Variants in KLHL7 observed in about 807,000 individuals in gnomAD.
KLHL7 encodes kelch-like protein 7.
In KLHL7, 44 loss-of-function variants were observed where a neutral mutation model predicts 67.4. The observed-to-expected ratio is 0.65, with a 90% CI of 0.51 to 0.84. The LOEUF (loss-of-function observed/expected upper bound fraction) is 0.84. KLHL7 is among the 40% of genes least tolerant of loss of function. The pLI is 0.00. For synonymous variants in KLHL7, 252 were observed against 243.3 expected, an observed-to-expected ratio of 1.04 and a Z score of -0.33; for missense variants, 362 against 718.1, an observed-to-expected ratio of 0.50 and a Z score of 5.67.
At chr7:23,165,321 G>A (rs1016804050) in intron 7 of KLHL7, among the ~76,000 whole-genome samples, 4 of 152,058 alleles carry the variant, frequency 2.6e-5, no homozygotes, top group Admixed American at 2.0e-4. Flanking sequence ...GGCAGGGAAG[G>A]GATGGAGACC....
intron 6 of KLHL7, among the ~76,000 whole-genome samples, chr7:23,145,183 C>T (rs1042461213): frequency 6.6e-6 from 1 of 151,388 alleles, no homozygotes. Flanking sequence ...CTTCTAGCTT[C>T]CAGTGTTATT....
chr7:23,139,258 CT>C (rs1170343202), intron 4 of KLHL7, among the ~76,000 whole-genome samples: 3 of 152,076 alleles, frequency 2.0e-5, no homozygotes, highest in African/African-American at 7.2e-5. Context: ...AATAATAATG[CT>C]TTGTGACCAG....
chr7:23,125,837 T>A (rs1172803212), intron 4 of KLHL7: 1 of 1,550,464 alleles, frequency 6.4e-7, no homozygotes. Flanking sequence ...TAGTGGCACA[T>A]GAATGAACGT....
At chr7:23,108,500 C>A (rs1410735553) in intron 1 of KLHL7, among the ~76,000 whole-genome samples, 1 of 152,168 alleles carries the variant, frequency 6.6e-6, no homozygotes, top group Non-Finnish European at 1.5e-5. Context: ...GCACATCCCA[C>A]CAACAAGACG....
chr7:23,129,374 C>G (rs1783709173), intron 4 of KLHL7: 1 of 383,288 alleles, frequency 2.6e-6, no homozygotes, highest in South Asian at 2.2e-5. Context: ...AAGGGAAACT[C>G]ATCCCAAATG....
intron 7 of KLHL7, among the ~76,000 whole-genome samples, chr7:23,155,126 C>T (rs1784660809): frequency 1.3e-5 from 2 of 152,168 alleles, no homozygotes; most frequent in African/African-American, 4.8e-5. Context: ...ATTCCTTCAT[C>T]TCCAGAATAT....
At position 23,105,822 on chromosome 7, in the gene KLHL7, G is replaced by T. The variant is rs1254023573; in HGVS notation, c.-205G>T. 5 of 692,524 alleles carry T rather than the reference G, an allele frequency of 7.2e-6. No individual in the cohort carries two copies. Among genetic ancestry groups the T allele is most frequent in the African/African-American group, 1.8e-5 (1 of 55,780 alleles). The allele number at this position is 692,524 out of a possible 1,614,324, so 42.9% of individuals were successfully genotyped here. A position where few individuals can be genotyped will look rare whatever the true frequency, so the allele number is the denominator to read the frequency against. ...GGGACGCAGCCCAGTTGGTAGCGTC[G>T]CTCCCTGAGCGTTTCTAAGGGGGCC... is the stretch of plus-strand genomic sequence containing the variant. On this transcript the variant is annotated 5_prime_UTR_variant, in exon 1 of 11. Transcript: ENST00000339077.
At position 23,176,976 on chromosome 7, in the gene KLHL7, A is replaced by T. The variant is rs1487321282; in HGVS notation, c.*2678A>T. Reference sequence around the variant, plus strand: ...GTGACAGAGCAAGACACCTTCTCAAAGCAAAATACAAACAAAAAAAGGACA... The same window carrying T: ...GTGACAGAGCAAGACACCTTCTCAATGCAAAATACAAACAAAAAAAGGACA... On this transcript the variant is annotated 3_prime_UTR_variant, in exon 11 of 11. Coordinates refer to ENST00000339077, the MANE Select transcript of KLHL7 (RefSeq NM_001031710.3). The T allele has an allele frequency of 1.3e-5, 2 of 152,264 alleles. No homozygotes were observed. Among genetic ancestry groups the T allele is most frequent in the Non-Finnish European group, 2.9e-5 (2 of 68,090 alleles). 9.4% of individuals were successfully genotyped at this position (152,264 alleles called of 1,614,324 possible). A position where few individuals can be genotyped will look rare whatever the true frequency, so the allele number is the denominator to read the frequency against.
chr7:23,160,312 G>C (rs975072215), intron 7 of KLHL7, among the ~76,000 whole-genome samples: 1 of 152,216 alleles, frequency 6.6e-6, no homozygotes, highest in Admixed American at 6.5e-5. Flanking sequence ...CAAAGGACAA[G>C]TACTGTTATC....
intron 6 of KLHL7, 51 bp from the exon 7 acceptor site, chr7:23,152,016 C>T (rs1236360871): frequency 1.9e-6 from 3 of 1,589,526 alleles, no homozygotes; most frequent in African/African-American, 1.4e-5. Flanking sequence ...GTTTTCAAAG[C>T]ACTGGTTAGT....
intron 4 of KLHL7, among the ~76,000 whole-genome samples, chr7:23,139,405 C>T (rs1784102004): frequency 6.6e-6 from 1 of 152,106 alleles, no homozygotes; most frequent in Non-Finnish European, 1.5e-5. Flanking sequence ...GCTGAAGGCA[C>T]CTTTTGTGAT....
intron 1 of KLHL7, among the ~76,000 whole-genome samples, chr7:23,117,081 C>CTTTTTTTTTTTTA (rs1783118449): frequency 1.5e-5 from 1 of 68,216 alleles, no homozygotes; most frequent in Non-Finnish European, 2.8e-5. Context: ...AGAGCCAGGC[C>CTTTTTTTTTTTTA]TTTTTTTTTT....
At chr7:23,116,217 G>A (rs955252492) in intron 1 of KLHL7, among the ~76,000 whole-genome samples, 3 of 152,200 alleles carry the variant, frequency 2.0e-5, no homozygotes, top group Non-Finnish European at 2.9e-5. Flanking sequence ...CCTGTCTCTT[G>A]GAGGGGTTTG....
At chr7:23,139,700 T>G (rs1167718842) in intron 4 of KLHL7, among the ~76,000 whole-genome samples, 2 of 152,138 alleles carry the variant, frequency 1.3e-5, no homozygotes, top group Non-Finnish European at 2.9e-5. Flanking sequence ...GAAAAACAGA[T>G]AATGAATTGA....
At chr7:23,114,899 C>A (rs923379005) in intron 1 of KLHL7, among the ~76,000 whole-genome samples, 1 of 152,224 alleles carries the variant, frequency 6.6e-6, no homozygotes, top group African/African-American at 2.4e-5. Flanking sequence ...ATTAGCAACA[C>A]AGAATCTCCC....
At chr7:23,114,954 T>C (rs552553223) in intron 1 of KLHL7, among the ~76,000 whole-genome samples, 10 of 152,228 alleles carry the variant, frequency 6.6e-5, no homozygotes, top group Non-Finnish European at 1.5e-4. Flanking sequence ...TTCCAACATC[T>C]ATGCTCATCC....
At chr7:23,156,002 T>C in intron 7 of KLHL7, 2 of 467,586 alleles carry the variant, frequency 4.3e-6, no homozygotes, top group South Asian at 3.1e-5. Flanking sequence ...TGAAAAGAGA[T>C]GCATATTCTT....
intron 4 of KLHL7, among the ~76,000 whole-genome samples, chr7:23,127,412 G>A (rs1221681996): frequency 6.6e-6 from 1 of 152,116 alleles, no homozygotes; most frequent in Non-Finnish European, 1.5e-5. Flanking sequence ...TAAGCTTCTG[G>A]CAAAGACAGT....
intron 4 of KLHL7, 198 bp from the exon 5 acceptor site, chr7:23,140,571 C>CAAA: frequency 1.6e-6 from 1 of 620,158 alleles, no homozygotes; most frequent in South Asian, 1.7e-5. Context: ...AACAAAAAAA[C>CAAA]AAAAAACAAA....
Sources: gnomAD v4.1 joint callset for allele counts (sites outside exome capture counted in the v4.1 genomes callset) on GRCh38, gnomAD v4.1.1 for gene constraint, MANE v1.5 for transcripts, NCBI Gene and HGNC (gene_info 2026-07-23, HGNC 2026-07-21) for gene names.